The following KCTD19 variants were observed in gnomAD, a reference collection of about 807,000 sequenced individuals.
The protein encoded by KCTD19 is potassium channel tetramerization domain containing 19.
Under a neutral mutation model 103.5 loss-of-function variants are expected in KCTD19, and 67 were observed. The ratio of observed to expected loss-of-function variants is 0.65; its 90% CI spans 0.53 to 0.79. The LOEUF is 0.79. KCTD19 is among the 30% of genes least tolerant of loss of function. KCTD19 has a pLI of 0.00. For synonymous variants in KCTD19, 439 were observed against 452.2 expected, an observed-to-expected ratio of 0.97 and a Z score of 0.37; for missense variants, 980 against 1,136.1, an observed-to-expected ratio of 0.86 and a Z score of 1.98.
In KCTD19 at chr16:67,293,436, C is replaced by A; in HGVS notation, c.2218+108G>T. The A allele has an allele frequency of 8.2e-7, 1 of 1,220,352 alleles. No individual in the cohort carries two copies. The highest frequency in any genetic ancestry group is 1.2e-6 in the Non-Finnish European group (1 of 864,168). 75.6% of individuals were successfully genotyped at this position (1,220,352 alleles called of 1,614,324 possible). The stretch of plus-strand genomic sequence containing the variant: ...CTGGCACAGAGATGGCATTGGTGAG[C>A]GGGGGGGTCTAGTCCTCCTTTGTCA... On this transcript the variant is annotated intron_variant, in intron 12 of 15. Transcript: ENST00000304372. The surrounding 1 kb of genome is among the most constrained non-coding windows in gnomAD (Gnocchi z 4.0).
chr16:67,303,107 T>TCTGGC lies in KCTD19; in HGVS notation c.643+38_643+39insGCCAG. The stretch of plus-strand genomic sequence containing the variant: ...GATGGGGAGGGGTGAATGGGCCCTA[T>TCTGGC]CAGCCCGCCCCCCACCCCACCCCGG... On this transcript the variant is annotated intron_variant, in intron 4 of 15. Transcript: ENST00000304372. This position sits in a 1 kb window ranked among gnomAD's most constrained non-coding sequence, Gnocchi z 4.3. 1 of 897,596 alleles carries TCTGGC rather than the reference T, an allele frequency of 1.1e-6. No homozygotes were observed. The highest frequency in any genetic ancestry group is 1.8e-6 in the Non-Finnish European group (1 of 562,966). 55.6% of individuals were successfully genotyped at this position (897,596 alleles called of 1,614,324 possible). A position where few individuals can be genotyped will look rare whatever the true frequency, so the allele number is the denominator to read the frequency against.
intron 8 of KCTD19, 127 bp downstream of exon 8, chr16:67,296,032 C>T (rs1423344380): frequency 2.7e-5 from 18 of 670,930 alleles, no homozygotes; most frequent in East Asian, 2.4e-4. Flanking sequence ...CATGAGCCAC[C>T]GTGCCTGGCG....
Position 67,304,474 on chromosome 16 carries a change from C to T in KCTD19, c.398G>A (p.Trp133Ter), listed in dbSNP as rs1567451085. 3 of 1,614,112 alleles carry T rather than the reference C, an allele frequency of 1.9e-6. No homozygotes were observed. Among genetic ancestry groups the T allele is most frequent in the Non-Finnish European group, 2.5e-6 (3 of 1,179,974 alleles). Residue 133 changes from tryptophan to a stop codon, truncating the protein, a stop_gained, in exon 3 of 16, where the codon TGG (tryptophan) becomes TAG (stop). Coordinates refer to ENST00000304372, the MANE Select transcript of KCTD19 (RefSeq NM_001100915.3). LOFTEE classifies it high-confidence loss of function. ...TTCTGAGGGTTTGCTAATACACTTCCATGTACGCCAGTAGTTCAGAGATGC... is the reference window on the plus strand; with the variant it reads ...TTCTGAGGGTTTGCTAATACACTTCTATGTACGCCAGTAGTTCAGAGATGC... Reference protein sequence around the residue: ...ERASLNYWRTWKCISKPSEFP... With the variant: ...ERASLNYWRT
At chr16:67,290,369 G>A (rs1253048121) in intron 15 of KCTD19, among the ~76,000 whole-genome samples, 4 of 151,902 alleles carry the variant, frequency 2.6e-5, no homozygotes, top group Non-Finnish European at 1.5e-5. Context: ...CAGTAGAGAC[G>A]GGGTTTCACT....
At position 67,299,427 on chromosome 16, in the gene KCTD19, C is replaced by T. The variant is rs1403214260; in HGVS notation, c.922G>A (p.Glu308Lys). Residue 308 changes from glutamate to lysine, a missense_variant, in exon 6 of 16, where the codon GAG becomes AAG. Transcript: ENST00000304372. ...PDSALGQLRI[E>K]STLDGSRLYI... ...AGTCGGCTTCCGTCTAGCGTGCTCT[C>T]GATGCGAAGCTGGCCCAGCGCAGAG... The T allele has an allele frequency of 1.1e-5, 18 of 1,614,130 alleles. No individual in the cohort carries two copies. Among genetic ancestry groups the T allele is most frequent in the African/African-American group, 4.0e-5 (3 of 74,952 alleles).
Position 67,299,476 on chromosome 16 carries a change from C to T in KCTD19, c.873G>A (p.Leu291=), listed in dbSNP as rs1181424433. 3 of 1,614,222 alleles carry T rather than the reference C, an allele frequency of 1.9e-6. No individual in the cohort carries two copies. Among genetic ancestry groups the T allele is most frequent in the South Asian group, 2.2e-5 (2 of 91,086 alleles). Residue 291 remains leucine, a synonymous_variant, in exon 6 of 16, where the codon CTG becomes CTA. Coordinates refer to ENST00000304372, the MANE Select transcript of KCTD19 (RefSeq NM_001100915.3). ...AGTCCGGGTACTTGACCAGCAGACC[C>T]AGGGCCATTGTGTAGAGCGGTTTCA... ...ESVKPLYTMA[L]GLLVKYPDSA...
chr16:67,294,307 A>T (rs1197477116), intron 11 of KCTD19, 136 bp from the exon 12 acceptor site: 1 of 1,019,764 alleles, frequency 9.8e-7, no homozygotes, highest in Non-Finnish European at 1.4e-6. Flanking sequence ...GGGGTCACCC[A>T]TTTGAGCTTT....
intron 7 of KCTD19, 23 bp downstream of exon 7, chr16:67,297,480 A>T: frequency 1.2e-6 from 2 of 1,612,146 alleles, no homozygotes; most frequent in Non-Finnish European, 1.7e-6. Context: ...GCTAAATTCA[A>T]ACCTAGAAGC....
intron 2 of KCTD19, among the ~76,000 whole-genome samples, chr16:67,307,862 G>C (rs918924135): frequency 6.6e-6 from 1 of 152,054 alleles, no homozygotes; most frequent in South Asian, 2.1e-4. Flanking sequence ...TATTCCTAGC[G>C]TACTACCAAA....
At chr16:67,322,544 T>C (rs9930425) in intron 1 of KCTD19, among the ~76,000 whole-genome samples, 32,932 of 152,126 alleles carry the variant, frequency 0.22, 7,141 homozygotes, top group African/African-American at 0.56. Context: ...GTGATCCACC[T>C]GCTTTGGCCT....
At position 67,293,791 on chromosome 16, in the gene KCTD19, G is replaced by A; in HGVS notation, c.1971C>T (p.Ala657=). Residue 657 remains alanine (A), a synonymous_variant, in exon 12 of 16, where the codon GCC becomes GCT. Transcript: ENST00000304372. This position sits in a 1 kb window ranked among gnomAD's most constrained non-coding sequence, Gnocchi z 4.0. ...CCTCCTCCAAGGGGCTGCTCCGTGT[G>A]GCTGTCAGTGGCTGGAATTCCCACT... The part of the protein sequence containing the change: ...CKQWEFQPLT[A]TRSSPLEEAT... 1.2e-6 allele frequency: 2 copies of A among 1,613,786 alleles called. No homozygotes were observed. Among genetic ancestry groups the A allele is most frequent in the Non-Finnish European group, 1.7e-6 (2 of 1,180,026 alleles).
At chr16:67,296,576 C>T (rs1390412989) in intron 7 of KCTD19, among the ~76,000 whole-genome samples, 1 of 152,144 alleles carries the variant, frequency 6.6e-6, no homozygotes, top group Non-Finnish European at 1.5e-5. Flanking sequence ...GAGTGTGTAG[C>T]TTTTCATGTG....
intron 2 of KCTD19, among the ~76,000 whole-genome samples, chr16:67,319,789 T>C (rs773274473): frequency 6.6e-6 from 1 of 151,716 alleles, no homozygotes; most frequent in Non-Finnish European, 1.5e-5. Context: ...TTCTCTCTCT[T>C]GACATTTGGC....
intron 2 of KCTD19, among the ~76,000 whole-genome samples, chr16:67,307,929 C>T (rs1597397036): frequency 6.6e-6 from 1 of 152,290 alleles, no homozygotes; most frequent in East Asian, 1.9e-4. Context: ...TCCAAATTCT[C>T]TTCATCTCCT....
chr16:67,290,547 T>C lies in KCTD19; in HGVS notation c.2667+338A>G, dbSNP rs998178972. Among the ~76,000 whole-genome samples, 4 of 152,146 alleles carry C rather than the reference T, an allele frequency of 2.6e-5. No individual in the cohort carries two copies. The South Asian group carries it at 6.2e-4, about 24-fold the overall frequency. ...ATTGGTGACATCGTGGCCAGATAGGTGAAGCTGGTATCACTGGTTGAAAAG... is the reference window on the plus strand; with the variant it reads ...ATTGGTGACATCGTGGCCAGATAGGCGAAGCTGGTATCACTGGTTGAAAAG... On this transcript the variant is annotated intron_variant, in intron 15 of 15. Coordinates refer to ENST00000304372, the MANE Select transcript of KCTD19 (RefSeq NM_001100915.3).
chr16:67,319,475 G>T (rs541651465), intron 2 of KCTD19, among the ~76,000 whole-genome samples: 1 of 152,238 alleles, frequency 6.6e-6, no homozygotes, highest in African/African-American at 2.4e-5. Flanking sequence ...ACCTTGTACA[G>T]ATGGTAGGAT....
intron 6 of KCTD19, among the ~76,000 whole-genome samples, chr16:67,299,140 C>A (rs993494504): frequency 3.3e-5 from 5 of 152,262 alleles, no homozygotes; most frequent in African/African-American, 1.2e-4. Flanking sequence ...TGGTCTGAAG[C>A]CTTTGAACCT....
At chr16:67,305,651 C>A in intron 2 of KCTD19, 1 of 443,856 alleles carries the variant, frequency 2.3e-6, no homozygotes, top group South Asian at 1.6e-5. Flanking sequence ...CACCCCCTCC[C>A]TTTTTTTTTC....
intron 2 of KCTD19, among the ~76,000 whole-genome samples, chr16:67,314,394 C>G (rs2036980802): frequency 6.6e-6 from 1 of 151,854 alleles, no homozygotes; most frequent in Non-Finnish European, 1.5e-5. Flanking sequence ...ACTTCAATAC[C>G]CCTAAAAGAA....
Sources: allele counts gnomAD v4.1 joint callset (sites outside exome capture counted in the v4.1 genomes callset), GRCh38; gene constraint gnomAD v4.1.1; non-coding constraint Gnocchi (gnomAD v3.1); transcripts MANE v1.5; gene names NCBI Gene and HGNC (gene_info 2026-07-23, HGNC 2026-07-21).